The following CCDC102B variants were observed in gnomAD, a reference collection of about 807,000 sequenced individuals.
The protein encoded by CCDC102B is coiled-coil domain containing 102B, also known as coiled-coil domain-containing protein 102B.
A neutral mutation model predicts 57.4 loss-of-function variants in CCDC102B; 75 were observed. That is an observed-to-expected ratio of 1.31 (90% CI 1.08 to 1.58). The LOEUF (loss-of-function observed/expected upper bound fraction) is 1.58, where lower values mean the gene tolerates loss of function less well. CCDC102B is among the 40% of genes most tolerant of loss of function. The pLI, the probability that CCDC102B is intolerant of heterozygous loss-of-function variation, is 0.00. For synonymous variants in CCDC102B, 206 were observed against 201.9 expected (o/e 1.02, Z -0.17); for missense variants, 636 against 582.6 (o/e 1.09, Z -0.94).
chr18:69,031,191 T>C (rs765942939), intron 7 of CCDC102B, among the ~76,000 whole-genome samples: 11 of 152,210 alleles, frequency 7.2e-5, no homozygotes, highest in Non-Finnish European at 1.5e-4. Flanking sequence ...ATTTATATTG[T>C]AGAAGAAATC....
At chr18:69,025,520 A>T (rs984397885) in intron 7 of CCDC102B, among the ~76,000 whole-genome samples, 2 of 152,234 alleles carry the variant, frequency 1.3e-5, no homozygotes, top group African/African-American at 4.8e-5. Flanking sequence ...TTTTATAGTC[A>T]TCTCCTAGAG....
chr18:68,987,590 A>G (rs1458848026), intron 6 of CCDC102B, among the ~76,000 whole-genome samples: 1 of 152,188 alleles, frequency 6.6e-6, no homozygotes, highest in Non-Finnish European at 1.5e-5. Context: ...CTGCACAGCA[A>G]AAGAAACTAA....
At chr18:68,796,843 A>ATGCATG (rs1491129275), upstream of CCDC102B, among the ~76,000 whole-genome samples, 3 of 146,992 alleles carry the variant, frequency 2.0e-5, no homozygotes, top group East Asian at 2.1e-4. Context: ...ATGTACATGC[A>ATGCATG]TGTGTGTGTG....
In CCDC102B at chr18:68,836,792, T is replaced by C. The variant is rs528717742; in HGVS notation, c.29T>C (p.Ile10Thr). 80 of 1,613,648 alleles carry C rather than the reference T, an allele frequency of 5.0e-5. No homozygotes were observed. The East Asian group carries it at 1.7e-3, about 35-fold the overall frequency. Residue 10 changes from isoleucine (I) to threonine (T), a missense_variant, in exon 2 of 8, where the codon ATT becomes ACT. Transcript: ENST00000360242. ...AATTTAGATTCCATACATCGATTAA[T>C]TGAGGAAACACAGATCTTCCAGATG... MNLDSIHRL[I>T]EETQIFQMQQ... is the part of the protein sequence containing the mutation.
intron 6 of CCDC102B, among the ~76,000 whole-genome samples, chr18:68,979,133 GC>G (rs748908875): frequency 1.3e-4 from 20 of 151,972 alleles, no homozygotes; most frequent in Non-Finnish European, 2.2e-4. Flanking sequence ...GGTCCGCAGG[GC>G]TGTTCACTTT....
chr18:68,870,828 C>A (rs1474268091), intron 4 of CCDC102B, among the ~76,000 whole-genome samples: 1 of 152,052 alleles, frequency 6.6e-6, no homozygotes. Context: ...CTATTTAATC[C>A]TTTTGGATCA....
chr18:68,928,930 G>A (rs960058332), intron 6 of CCDC102B, among the ~76,000 whole-genome samples: 2 of 151,758 alleles, frequency 1.3e-5, no homozygotes, highest in African/African-American at 4.8e-5. Flanking sequence ...AAATTAGGGT[G>A]GAAAGCTGGA....
rs1366561783 is a variant in CCDC102B at position 68,836,951 on chromosome 18, A to G, written c.188A>G (p.Asn63Ser). 4.8e-5 allele frequency: 78 copies of G among 1,614,012 alleles called. No individual in the cohort carries two copies. The highest frequency in any genetic ancestry group is 1.6e-4 in the Middle Eastern group (1 of 6,084). ...CACAATTTCTGTGCTCACTCATATA[A>G]CACCAACAAATGGGATATTTGTGAA... is the stretch of plus-strand genomic sequence containing the variant. The part of the protein sequence containing the change: ...AAHNFCAHSY[N>S]TNKWDICEEL... Residue 63 changes from asparagine (N) to serine (S), a missense_variant, in exon 2 of 8, where the codon AAC becomes AGC. Asn to Ser is a conservative substitution (Grantham distance 46, BLOSUM62 1). Coordinates refer to ENST00000360242, the MANE Select transcript of CCDC102B (RefSeq NM_024781.3).
At chr18:69,029,190 A>G (rs2052073168) in intron 7 of CCDC102B, among the ~76,000 whole-genome samples, 1 of 152,138 alleles carries the variant, frequency 6.6e-6, no homozygotes. Context: ...TAGTTTATTT[A>G]CCATTTTATT....
chr18:68,885,385 A>G (rs2039847249), intron 5 of CCDC102B, among the ~76,000 whole-genome samples: 2 of 152,096 alleles, frequency 1.3e-5, no homozygotes, highest in South Asian at 4.1e-4. Flanking sequence ...GATGGTTTAG[A>G]TGAATATATC....
intron 3 of CCDC102B, among the ~76,000 whole-genome samples, chr18:68,842,383 C>A (rs2037672845): frequency 1.3e-5 from 2 of 151,970 alleles, no homozygotes; most frequent in South Asian, 4.1e-4. Flanking sequence ...AAACCTTTAC[C>A]ATTTTTTGAC....
At chr18:68,929,873 T>A (rs1454863173) in intron 6 of CCDC102B, among the ~76,000 whole-genome samples, 2 of 151,844 alleles carry the variant, frequency 1.3e-5, no homozygotes, top group Non-Finnish European at 2.9e-5. Flanking sequence ...CATTTTGTAA[T>A]GTATTTAAAA....
chr18:68,717,033 C>G (rs1048535966), intron 2 of CCDC102B, among the ~76,000 whole-genome samples: 1 of 149,976 alleles, frequency 6.7e-6, no homozygotes, highest in South Asian at 2.1e-4. Flanking sequence ...GTTGAAATCG[C>G]GCCACTGCAC....
intron 7 of CCDC102B, among the ~76,000 whole-genome samples, chr18:69,042,973 C>A (rs1363645347): frequency 1.3e-5 from 2 of 151,970 alleles, no homozygotes; most frequent in Non-Finnish European, 2.9e-5. Flanking sequence ...CCCGGGGAAC[C>A]AGCGTTCAGC....
chr18:68,866,905 G>T (rs2039010340), intron 4 of CCDC102B: 1 of 598,588 alleles, frequency 1.7e-6, no homozygotes, highest in African/African-American at 1.9e-5. Context: ...ATCACACCTG[G>T]AGTGGGATCT....
intron 6 of CCDC102B, among the ~76,000 whole-genome samples, chr18:69,005,716 A>G (rs1425900386): frequency 1.3e-5 from 2 of 151,618 alleles, no homozygotes; most frequent in Non-Finnish European, 3.0e-5. Flanking sequence ...AACCACATAT[A>G]TAATTTAAAG....
At chr18:68,779,580 G>GTAAA (rs2034938360) in intron 2 of CCDC102B, among the ~76,000 whole-genome samples, 1 of 151,932 alleles carries the variant, frequency 6.6e-6, no homozygotes, top group Admixed American at 6.6e-5. Context: ...AATAAATTCA[G>GTAAA]TACATTTATT....
chr18:68,964,247 T>C (rs2050116277), intron 6 of CCDC102B, among the ~76,000 whole-genome samples: 1 of 151,936 alleles, frequency 6.6e-6, no homozygotes, highest in African/African-American at 2.4e-5. Context: ...ACAAATTTCC[T>C]TTGCAGCTGT....
intron 4 of CCDC102B, among the ~76,000 whole-genome samples, chr18:68,871,407 GC>G (rs869082518): frequency 7.6e-6 from 1 of 132,340 alleles, no homozygotes; most frequent in Non-Finnish European, 1.7e-5. Flanking sequence ...AAATTTTTCA[GC>G]TGCTAAATAG....
Sources: gnomAD v4.1 joint callset for allele counts (sites outside exome capture counted in the v4.1 genomes callset) on GRCh38, gnomAD v4.1.1 for gene constraint, MANE v1.5 for transcripts, NCBI Gene and HGNC (gene_info 2026-07-23, HGNC 2026-07-21) for gene names.